Variants in CDH13 observed in about 807,000 individuals in gnomAD.
The protein encoded by CDH13 is cadherin 13.
In CDH13, 24 loss-of-function variants were observed where a neutral mutation model predicts 63.8. That is an observed-to-expected ratio of 0.38 (90% CI 0.27 to 0.53). The LOEUF (loss-of-function observed/expected upper bound fraction) is 0.53. Among genes scored for constraint, CDH13 ranks in the 20% least tolerant of loss-of-function variants. CDH13 has a pLI of 0.85. For synonymous variants in CDH13, 503 were observed against 355.3 expected (o/e 1.42, Z -4.67); for missense variants, 1,049 against 903.1 (o/e 1.16, Z -2.07).
At chr16:83,341,792 T>A (rs1474975213) in intron 5 of CDH13, among the ~76,000 whole-genome samples, 1 of 152,138 alleles carries the variant, frequency 6.6e-6, no homozygotes, top group African/African-American at 2.4e-5. Flanking sequence ...CATTCCCCAC[T>A]CCTAAATTAG....
chr16:83,350,596 C>G (rs998986828), intron 6 of CDH13, among the ~76,000 whole-genome samples: 1 of 152,130 alleles, frequency 6.6e-6, no homozygotes, highest in African/African-American at 2.4e-5. Flanking sequence ...AGCATCTACT[C>G]TGTGCTGGCG....
intron 7 of CDH13, among the ~76,000 whole-genome samples, chr16:83,506,135 C>G (rs906088949): frequency 6.6e-6 from 1 of 152,112 alleles, no homozygotes; most frequent in Non-Finnish European, 1.5e-5. Flanking sequence ...CCAAGGGAGA[C>G]CATCAGGCCA....
intron 1 of CDH13, among the ~76,000 whole-genome samples, chr16:82,699,904 G>A (rs773866883): frequency 3.3e-5 from 5 of 152,232 alleles, no homozygotes; most frequent in Non-Finnish European, 5.9e-5. Flanking sequence ...TGTTTCAACA[G>A]TTTTCCGAAA....
intron 6 of CDH13, among the ~76,000 whole-genome samples, chr16:83,390,690 T>A (rs1274937691): frequency 2.0e-5 from 3 of 152,176 alleles, no homozygotes; most frequent in Non-Finnish European, 4.4e-5. Context: ...TGGATTCTAG[T>A]GCTCAGGGAA....
At chr16:82,875,136 C>T (rs2040462277) in intron 2 of CDH13, among the ~76,000 whole-genome samples, 1 of 152,136 alleles carries the variant, frequency 6.6e-6, no homozygotes, top group African/African-American at 2.4e-5. Context: ...ATGAGTGAGG[C>T]CAAAGCTGAA....
At chr16:82,915,551 T>G (rs4783299) in intron 2 of CDH13, among the ~76,000 whole-genome samples, 62,887 of 151,686 alleles carry the variant, frequency 0.41, 14,593 homozygotes, top group Non-Finnish European at 0.54. Flanking sequence ...ACAGTCATTG[T>G]TGAAAAATCT....
rs541439381 is a variant in CDH13, at chr16:82,814,249, G to A, written c.46-44113G>A. On this transcript the variant is annotated intron_variant, in intron 1 of 13. Coordinates refer to ENST00000567109, the MANE Select transcript of CDH13 (RefSeq NM_001257.5). ...ACGGGAACATCTGACACAGAGCTCCGAAATCCCTTGGTATTTCCTGGCTGA... is the reference window on the plus strand; with the variant it reads ...ACGGGAACATCTGACACAGAGCTCCAAAATCCCTTGGTATTTCCTGGCTGA... Among the ~76,000 whole-genome samples, 23 of 152,210 alleles carry A rather than the reference G, an allele frequency of 1.5e-4. No homozygotes were observed. The East Asian group carries it at 3.9e-3, about 26-fold the overall frequency.
At chr16:82,687,395 A>G (rs1915186286) in intron 1 of CDH13, among the ~76,000 whole-genome samples, 1 of 152,162 alleles carries the variant, frequency 6.6e-6, no homozygotes, top group Admixed American at 6.5e-5. Flanking sequence ...TCAAGCTGCT[A>G]ATAAAGACAT....
At chr16:83,323,869 G>A (rs988145291) in intron 5 of CDH13, among the ~76,000 whole-genome samples, 1 of 152,054 alleles carries the variant, frequency 6.6e-6, no homozygotes, top group Non-Finnish European at 1.5e-5. Flanking sequence ...ATCTGAGATA[G>A]TTATTTCCTC....
In CDH13 at chr16:83,297,766, C is replaced by G. The variant is rs150042352; in HGVS notation, c.637-47096C>G. ...AATATATATCCTATGGATGAAGAAACATACAAATGACCAAAGGAATGGAAT... is the reference window on the plus strand; with the variant it reads ...AATATATATCCTATGGATGAAGAAAGATACAAATGACCAAAGGAATGGAAT... On this transcript the variant is annotated intron_variant, in intron 5 of 13. Coordinates refer to ENST00000567109, the MANE Select transcript of CDH13 (RefSeq NM_001257.5). Among the ~76,000 whole-genome samples the G allele has an allele frequency of 3.3e-3, 505 of 152,184 alleles. 5 individuals carry two copies. The highest frequency in any genetic ancestry group is 0.012 in the African/African-American group (478 of 41,524).
chr16:83,374,410 T>C (rs1169596625), intron 6 of CDH13, among the ~76,000 whole-genome samples: 2 of 152,232 alleles, frequency 1.3e-5, no homozygotes, highest in East Asian at 1.9e-4. Context: ...TTTTCATGCA[T>C]GCCTTTAAAG....
At chr16:83,012,113 CTT>C (rs1914223338) in intron 2 of CDH13, among the ~76,000 whole-genome samples, 1 of 152,120 alleles carries the variant, frequency 6.6e-6, no homozygotes, top group Admixed American at 6.6e-5. Context: ...GCTTAAAAAA[CTT>C]TAGGAATTCA....
chr16:83,225,104 G>C (rs184613890), intron 5 of CDH13, among the ~76,000 whole-genome samples: 3 of 152,132 alleles, frequency 2.0e-5, no homozygotes, highest in South Asian at 2.1e-4. Context: ...AGAAACTCTC[G>C]GGGTGGGTCT....
chr16:83,648,404 G>T (rs56306512), intron 8 of CDH13, among the ~76,000 whole-genome samples: 18,450 of 152,122 alleles, frequency 0.12, 1,255 homozygotes, highest in East Asian at 0.21. Flanking sequence ...AGAAGGTAAG[G>T]CTTCATGGTA....
intron 1 of CDH13, among the ~76,000 whole-genome samples, chr16:82,638,851 C>T (rs575734871): frequency 5.6e-4 from 84 of 151,138 alleles, no homozygotes; most frequent in African/African-American, 2.0e-3. Context: ...TGCATGCACG[C>T]ACCAGTGCCA....
intron 4 of CDH13, among the ~76,000 whole-genome samples, chr16:83,163,548 C>T (rs538911239): frequency 6.6e-5 from 10 of 152,160 alleles, no homozygotes; most frequent in Admixed American, 1.3e-4. Flanking sequence ...TGTCCAGCCC[C>T]GTTCCTCCTG....
chr16:83,718,606 G>A (rs969439513), intron 10 of CDH13, among the ~76,000 whole-genome samples: 1 of 152,034 alleles, frequency 6.6e-6, no homozygotes, highest in Non-Finnish European at 1.5e-5. Context: ...AACCATCGAG[G>A]TGCCGGTGGG....
At chr16:83,087,827 C>A (rs374202626) in intron 3 of CDH13, among the ~76,000 whole-genome samples, 1 of 151,856 alleles carries the variant, frequency 6.6e-6, no homozygotes, top group African/African-American at 2.4e-5. Flanking sequence ...AAAATGGGTG[C>A]TAATTACAAA....
chr16:82,760,911 T>C (rs2034812598), intron 1 of CDH13, among the ~76,000 whole-genome samples: 1 of 151,562 alleles, frequency 6.6e-6, no homozygotes, highest in South Asian at 2.1e-4. Context: ...AACTCACTCA[T>C]GATCGCAGGG....
Sources: gnomAD v4.1 joint callset for allele counts (sites outside exome capture counted in the v4.1 genomes callset) on GRCh38, gnomAD v4.1.1 for gene constraint, MANE v1.5 for transcripts, NCBI Gene and HGNC (gene_info 2026-07-23, HGNC 2026-07-21) for gene names.